The following NHSL1 variants were observed in gnomAD, a reference collection of about 807,000 sequenced individuals.
NHSL1 encodes NHS-like protein 1.
A neutral mutation model predicts 95.0 loss-of-function variants in NHSL1; 48 were observed. That is an observed-to-expected ratio of 0.51 (90% CI 0.40 to 0.64). The LOEUF (loss-of-function observed/expected upper bound fraction) is 0.64. NHSL1 is among the 30% of genes least tolerant of loss of function. The pLI, the probability that NHSL1 is intolerant of heterozygous loss-of-function variation, is 0.00. For synonymous variants in NHSL1, 783 were observed against 833.9 expected, an observed-to-expected ratio of 0.94 and a Z score of 1.05; for missense variants, 1,971 against 2,077.7, an observed-to-expected ratio of 0.95 and a Z score of 1.00.
At chr6:138,681,803 ATG>A (rs1465351151) in intron 1 of NHSL1, among the ~76,000 whole-genome samples, 1 of 152,138 alleles carries the variant, frequency 6.6e-6, no homozygotes, top group African/African-American at 2.4e-5. Context: ...ATATTTCACC[ATG>A]TGTTATTGTA....
chr6:138,534,459 C>G (rs1228619133), intron 1 of NHSL1, among the ~76,000 whole-genome samples: 1 of 152,058 alleles, frequency 6.6e-6, no homozygotes, highest in Non-Finnish European at 1.5e-5. Flanking sequence ...AAAAGGAGCC[C>G]TTTGAAAGGG....
At chr6:138,511,340 T>G (rs1781213920) in intron 1 of NHSL1, among the ~76,000 whole-genome samples, 1 of 152,144 alleles carries the variant, frequency 6.6e-6, no homozygotes, top group South Asian at 2.1e-4. Flanking sequence ...GCCCAAAGTT[T>G]GTTTTTTACT....
intron 1 of NHSL1, among the ~76,000 whole-genome samples, chr6:138,667,623 T>G (rs1259436662): frequency 6.6e-6 from 1 of 152,226 alleles, no homozygotes; most frequent in Non-Finnish European, 1.5e-5. Flanking sequence ...TGTTTTCAGT[T>G]CTCTTCTAGA....
chr6:138,629,410 C>T (rs1784787036), intron 1 of NHSL1, among the ~76,000 whole-genome samples: 1 of 150,560 alleles, frequency 6.6e-6, no homozygotes, highest in East Asian at 1.9e-4. Context: ...GAGACGGAGT[C>T]TCGCTCTTGT....
At chr6:138,635,713 C>A (rs939940023) in intron 1 of NHSL1, among the ~76,000 whole-genome samples, 1 of 152,000 alleles carries the variant, frequency 6.6e-6, no homozygotes, top group African/African-American at 2.4e-5. Context: ...AAAACACAGA[C>A]ACATCAAAAC....
chr6:138,504,827 T>C (rs141319323), intron 1 of NHSL1, among the ~76,000 whole-genome samples: 1 of 152,334 alleles, frequency 6.6e-6, no homozygotes, highest in African/African-American at 2.4e-5. Flanking sequence ...TCAGAATTCA[T>C]TCTCAGCTCA....
intron 5 of NHSL1, among the ~76,000 whole-genome samples, chr6:138,439,624 T>A (rs1050878940): frequency 1.3e-4 from 20 of 152,224 alleles, no homozygotes; most frequent in African/African-American, 4.8e-4. Context: ...AACTAGCCTA[T>A]CTATAAAACC....
At chr6:138,623,310 C>T (rs746729126) in intron 1 of NHSL1, among the ~76,000 whole-genome samples, 61 of 152,072 alleles carry the variant, frequency 4.0e-4, no homozygotes, top group Admixed American at 2.1e-3. Context: ...CTGAAGGAGA[C>T]GAAGAGACAA....
At chr6:138,512,739 A>G (rs1283774197) in intron 1 of NHSL1, among the ~76,000 whole-genome samples, 2 of 152,196 alleles carry the variant, frequency 1.3e-5, no homozygotes, top group African/African-American at 4.8e-5. Flanking sequence ...ATCATTAAGA[A>G]GTCTTGGGGC....
rs569295947 is a variant in NHSL1 at position 138,435,537 on chromosome 6, T to C, written c.665-1857A>G. 8.5e-5 allele frequency among the ~76,000 whole-genome samples: 13 copies of C among 152,266 alleles called. No individual in the cohort carries two copies. In the South Asian group the frequency reaches 2.7e-3, roughly 32 times the overall value. On this transcript the variant is annotated intron_variant, in intron 5 of 7. Transcript: ENST00000343505. ...TTTCCTAAAGACCTTAAAAAGCATA[T>C]GAAAAAACTCATATATCTTATCACA...
chr6:138,610,491 T>TA (rs1313903752), intron 1 of NHSL1, among the ~76,000 whole-genome samples: 1 of 151,222 alleles, frequency 6.6e-6, no homozygotes, highest in Non-Finnish European at 1.5e-5. Context: ...TATACATATG[T>TA]TACAAACCTG....
At chr6:138,616,538 G>C (rs915070706) in intron 1 of NHSL1, among the ~76,000 whole-genome samples, 2 of 152,198 alleles carry the variant, frequency 1.3e-5, no homozygotes, top group Admixed American at 1.3e-4. Context: ...GACAGAGAGA[G>C]AGAGAGAGAG....
chr6:138,432,417 C>T lies in NHSL1; in HGVS notation c.1928G>A (p.Arg643Lys). 2.6e-6 allele frequency: 4 copies of T among 1,552,324 alleles called. No individual in the cohort carries two copies. ...RHSVINVFVG[R>K]AQKNQGDRSN... is the part of the protein sequence containing the mutation. ...CCGGTCCCCTTGGTTTTTCTGAGCTCTTCCAACAAAAACATTGATCACGCT... is the reference window on the plus strand; with the variant it reads ...CCGGTCCCCTTGGTTTTTCTGAGCTTTTCCAACAAAAACATTGATCACGCT... The change falls in exon 6 of 8, where the codon AGA becomes AAA. Residue 643 changes from arginine (R) to lysine (K), a missense_variant. Arg to Lys is a conservative substitution (Grantham distance 26, BLOSUM62 2). This residue lies in a region of NHSL1 where 1,602 missense variants were observed against 1,654.5 expected (regional missense o/e 0.97). Coordinates refer to ENST00000343505, the MANE Select transcript of NHSL1 (RefSeq NM_001144060.2). The surrounding 1 kb of genome is among the most constrained non-coding windows in gnomAD (Gnocchi z 4.4).
chr6:138,645,673 AATTTTTGT>A (rs749599277), intron 1 of NHSL1, among the ~76,000 whole-genome samples: 2 of 151,820 alleles, frequency 1.3e-5, no homozygotes, highest in Non-Finnish European at 2.9e-5. Flanking sequence ...ATGCCCAGCT[AATTTTTGT>A]ATTTTTAGTA....
At chr6:138,485,553 C>T (rs2128269709) in intron 2 of NHSL1, among the ~76,000 whole-genome samples, 1 of 152,164 alleles carries the variant, frequency 6.6e-6, no homozygotes, top group East Asian at 1.9e-4. Flanking sequence ...CATCCAACTT[C>T]CCTCTCCCGA....
At chr6:138,680,626 A>AT (rs1206889134) in intron 1 of NHSL1, among the ~76,000 whole-genome samples, 3 of 151,916 alleles carry the variant, frequency 2.0e-5, no homozygotes, top group Non-Finnish European at 4.4e-5. Context: ...CTTTTATTTT[A>AT]TTTTTTTTAA....
chr6:138,668,799 T>C (rs1381883954), intron 1 of NHSL1, among the ~76,000 whole-genome samples: 1 of 152,022 alleles, frequency 6.6e-6, no homozygotes, highest in Non-Finnish European at 1.5e-5. Context: ...AATTTTTGTA[T>C]TTTTAGCAGA....
intron 1 of NHSL1, among the ~76,000 whole-genome samples, chr6:138,568,018 T>C (rs1191829887): frequency 6.6e-6 from 1 of 152,206 alleles, no homozygotes; most frequent in Non-Finnish European, 1.5e-5. Context: ...CTTTTAGTTT[T>C]ATTTGAGTGA....
intron 3 of NHSL1, among the ~76,000 whole-genome samples, chr6:138,450,935 T>C (rs1777193599): frequency 6.6e-6 from 1 of 152,170 alleles, no homozygotes; most frequent in African/African-American, 2.4e-5. Flanking sequence ...AATACCGGAT[T>C]ATTACACTGG....
Sources: gnomAD v4.1 joint callset for allele counts (sites outside exome capture counted in the v4.1 genomes callset) on GRCh38, gnomAD v4.1.1 for gene constraint, gnomAD v4.1.1 regional missense constraint, Gnocchi (gnomAD v3.1) non-coding constraint, MANE v1.5 for transcripts, NCBI Gene and HGNC (gene_info 2026-07-23, HGNC 2026-07-21) for gene names.